The following APBB1IP variants were observed in gnomAD, a reference collection of about 807,000 sequenced individuals.
The protein encoded by APBB1IP is amyloid beta A4 precursor protein-binding family B member 1-interacting protein.
In APBB1IP, 27 loss-of-function variants were observed where a neutral mutation model predicts 64.9. The ratio of observed to expected loss-of-function variants is 0.42; its 90% CI spans 0.31 to 0.57. The LOEUF (loss-of-function observed/expected upper bound fraction) is 0.57, where lower values mean the gene tolerates loss of function less well. Among genes scored for constraint, APBB1IP ranks in the 20% least tolerant of loss-of-function variants. The pLI is 0.20. For missense variants in APBB1IP, 812 were observed against 845.5 expected, an observed-to-expected ratio of 0.96 and a Z score of 0.49; for synonymous variants, 392 against 331.0, an observed-to-expected ratio of 1.18 and a Z score of -2.00.
chr10:26,523,283 G>A (rs1836427714), intron 8 of APBB1IP, among the ~76,000 whole-genome samples: 1 of 152,198 alleles, frequency 6.6e-6, no homozygotes, highest in African/African-American at 2.4e-5. Flanking sequence ...AAAAGCCACA[G>A]GAGGATCAAT....
chr10:26,500,582 A>G (rs1012319365), intron 4 of APBB1IP, among the ~76,000 whole-genome samples: 2 of 151,992 alleles, frequency 1.3e-5, no homozygotes, highest in Non-Finnish European at 2.9e-5. Context: ...TTCCCCCAAT[A>G]TTTTTTCTTG....
At chr10:26,504,084 G>T (rs919135041) in intron 6 of APBB1IP, among the ~76,000 whole-genome samples, 2 of 152,246 alleles carry the variant, frequency 1.3e-5, no homozygotes, top group Non-Finnish European at 1.5e-5. Context: ...TGCCTAACTG[G>T]GTCAGAGCTC....
Position 26,517,396 on chromosome 10 carries a change from A to G in APBB1IP, c.813+3736A>G, listed in dbSNP as rs370497194. ...TGATTCTAGCCTCTATCTCCTTAGC[A>G]TTTCCTCTTTTTGAACTTTATATAT... On this transcript the variant is annotated intron_variant, in intron 8 of 14. Coordinates refer to ENST00000376236, the MANE Select transcript of APBB1IP (RefSeq NM_019043.4). 7.9e-5 allele frequency among the ~76,000 whole-genome samples: 12 copies of G among 152,264 alleles called. No individual in the cohort carries two copies. The East Asian group carries it at 1.3e-3, about 17-fold the overall frequency.
intron 3 of APBB1IP, 95 bp from the exon 4 acceptor site, chr10:26,496,209 T>C: frequency 1.1e-6 from 1 of 909,888 alleles, no homozygotes; most frequent in Non-Finnish European, 1.8e-6. Flanking sequence ...GGAGAAAATG[T>C]GTAAATGATA....
intron 11 of APBB1IP, among the ~76,000 whole-genome samples, chr10:26,545,610 A>C (rs1001165867): frequency 2.0e-5 from 3 of 152,074 alleles, no homozygotes; most frequent in South Asian, 2.1e-4. Flanking sequence ...AATACAAAAA[A>C]TTAGCCGGGC....
At chr10:26,477,088 AC>A (rs762069461) in intron 2 of APBB1IP, among the ~76,000 whole-genome samples, 223 of 152,270 alleles carry the variant, frequency 1.5e-3, no homozygotes, top group Non-Finnish European at 2.1e-3. Context: ...GGTGTGAACC[AC>A]CGTACCCAGC....
intron 4 of APBB1IP, among the ~76,000 whole-genome samples, chr10:26,500,104 G>C (rs1378861800): frequency 6.6e-6 from 1 of 151,858 alleles, no homozygotes; most frequent in Non-Finnish European, 1.5e-5. Flanking sequence ...CCAGCTGCTT[G>C]GGAGGCTGAG....
chr10:26,539,035 T>C (rs570205359), intron 10 of APBB1IP, among the ~76,000 whole-genome samples: 3 of 152,334 alleles, frequency 2.0e-5, no homozygotes, highest in Admixed American at 6.5e-5. Context: ...GAAATATAAT[T>C]TCCTACCTCA....
chr10:26,439,380 C>G (rs546354564), intron 2 of APBB1IP, among the ~76,000 whole-genome samples: 1 of 152,280 alleles, frequency 6.6e-6, no homozygotes, highest in Non-Finnish European at 1.5e-5. Flanking sequence ...CAACTCTTTC[C>G]TCTTTTTAAA....
chr10:26,503,495 C>T (rs925700885), intron 6 of APBB1IP, among the ~76,000 whole-genome samples: 1 of 151,956 alleles, frequency 6.6e-6, no homozygotes, highest in Admixed American at 6.6e-5. Context: ...ATTAGCTGGG[C>T]GTGGTGGCAG....
chr10:26,552,610 G>A (rs867973813), intron 11 of APBB1IP, among the ~76,000 whole-genome samples: 1 of 149,442 alleles, frequency 6.7e-6, no homozygotes, highest in Non-Finnish European at 1.5e-5. Context: ...AAAAAGAAAG[G>A]AATGAAAGAA....
chr10:26,500,223 A>AG (rs1000537546), intron 4 of APBB1IP, among the ~76,000 whole-genome samples: 4 of 151,772 alleles, frequency 2.6e-5, no homozygotes, highest in South Asian at 4.2e-4. Flanking sequence ...AAAAAAAAAA[A>AG]AAAGAAAGAA....
At chr10:26,545,477 T>G (rs1441151170) in intron 11 of APBB1IP, among the ~76,000 whole-genome samples, 1 of 151,982 alleles carries the variant, frequency 6.6e-6, no homozygotes, top group Admixed American at 6.6e-5. Flanking sequence ...ATACAAAAAT[T>G]AGGCCGGGCG....
At chr10:26,458,850 C>CT (rs770437085) in intron 2 of APBB1IP, among the ~76,000 whole-genome samples, 18 of 151,954 alleles carry the variant, frequency 1.2e-4, no homozygotes, top group Admixed American at 2.0e-4. Context: ...GCTTTCATTA[C>CT]TTTTTTCTCC....
intron 8 of APBB1IP, among the ~76,000 whole-genome samples, chr10:26,516,871 C>A (rs1043277276): frequency 2.6e-5 from 4 of 152,146 alleles, no homozygotes; most frequent in Admixed American, 2.6e-4. Flanking sequence ...CACTAGAGGG[C>A]ATCACCAGAA....
intron 4 of APBB1IP, among the ~76,000 whole-genome samples, chr10:26,499,541 T>C (rs1836070274): frequency 6.6e-6 from 1 of 152,198 alleles, no homozygotes; most frequent in African/African-American, 2.4e-5. Flanking sequence ...TGTTTCATCA[T>C]ATCTATAGCA....
intron 3 of APBB1IP, among the ~76,000 whole-genome samples, chr10:26,494,301 G>A (rs1835993623): frequency 6.6e-6 from 1 of 152,220 alleles, no homozygotes; most frequent in South Asian, 2.1e-4. Context: ...GGGGCCCTAA[G>A]TGGCAGGGGC....
At chr10:26,484,718 T>A (rs767903821) in intron 2 of APBB1IP, among the ~76,000 whole-genome samples, 4 of 152,210 alleles carry the variant, frequency 2.6e-5, no homozygotes, top group Non-Finnish European at 4.4e-5. Context: ...TATAAAATAG[T>A]ACACTTTTAT....
chr10:26,453,847 C>G (rs1327637369), intron 2 of APBB1IP, among the ~76,000 whole-genome samples: 1 of 152,196 alleles, frequency 6.6e-6, no homozygotes, highest in Non-Finnish European at 1.5e-5. Context: ...ACCATATGAT[C>G]TAGCAATCCC....
Sources: allele counts gnomAD v4.1 joint callset (sites outside exome capture counted in the v4.1 genomes callset), GRCh38; gene constraint gnomAD v4.1.1; transcripts MANE v1.5; gene names NCBI Gene and HGNC (gene_info 2026-07-23, HGNC 2026-07-21).